ASPRV1: variants seen among roughly 807,000 people sequenced by gnomAD.
ASPRV1 encodes retroviral-like aspartic protease 1.
Under a neutral mutation model 11.0 loss-of-function variants are expected in ASPRV1, and 7 were observed. The observed-to-expected ratio is 0.64, with a 90% CI of 0.36 to 1.20. The LOEUF is 1.20. Among genes scored for constraint, ASPRV1 ranks in the 50% most tolerant of loss-of-function variants. The probability of loss-of-function intolerance (pLI) is 0.02; values close to 1 mark genes in which losing one functional copy is unlikely to be tolerated. For synonymous variants in ASPRV1, 136 were observed against 138.4 expected (o/e 0.98, Z 0.12); for missense variants, 299 against 320.0 (o/e 0.93, Z 0.50).
In ASPRV1 at chr2:69,960,863, T is replaced by C. The variant is rs762432577; in HGVS notation, c.574A>G (p.Asn192Asp). 1.9e-5 allele frequency: 30 copies of C among 1,614,030 alleles called. No individual in the cohort carries two copies. In the East Asian group the frequency reaches 6.7e-4, roughly 36 times the overall value. The change falls in exon 1 of 1, where the codon AAT (asparagine) becomes GAT (aspartate). Residue 192 changes from asparagine to aspartate, a missense_variant. Asn to Asp is a conservative substitution (Grantham distance 23). Transcript: ENST00000320256. ...LKLKAQFLVA[N>D]ASAEEAIIGT... ...ATGATGGCTTCCTCGGCACTCGCAT[T>C]GGCCACTAGGAACTGTGCCTTCAGC... is the stretch of plus-strand genomic sequence containing the variant.
chr2:70,039,279 CTG>C, the ASPRV1 span, among the ~76,000 whole-genome samples: 2 of 152,122 alleles, frequency 1.3e-5, no homozygotes, highest in Admixed American at 1.3e-4. Flanking sequence ...AAGGCTTTAG[CTG>C]GGAGTTCTAC....
At chr2:70,055,290 A>T in the ASPRV1 span, among the ~76,000 whole-genome samples, 1 of 152,202 alleles carries the variant, frequency 6.6e-6, no homozygotes, top group South Asian at 2.1e-4. Context: ...ACTGGGCGAC[A>T]GAGCAAGACT....
chr2:69,963,261 G>A (rs1388554182), upstream of ASPRV1: 5 of 456,226 alleles, frequency 1.1e-5, no homozygotes, highest in Admixed American at 7.1e-5. Flanking sequence ...CCCAGAGGAG[G>A]GGAAATGGAG....
chr2:70,080,452 C>T, the ASPRV1 span, among the ~76,000 whole-genome samples: 3 of 152,200 alleles, frequency 2.0e-5, no homozygotes, highest in Admixed American at 6.5e-5. Context: ...GTCTCGAACT[C>T]CTGACCTCAG....
the ASPRV1 span, chr2:70,017,956 A>G: frequency 6.6e-6 from 1 of 152,050 alleles, no homozygotes; most frequent in Non-Finnish European, 1.5e-5. Flanking sequence ...ACTGGGCAAC[A>G]TGGTGAAACC....
chr2:70,030,468 A>G, the ASPRV1 span: 2 of 152,186 alleles, frequency 1.3e-5, no homozygotes, highest in African/African-American at 4.8e-5. Flanking sequence ...AGCCTCCAAC[A>G]TATTCCTGTA....
the ASPRV1 span, chr2:69,941,329 G>T: frequency 6.6e-6 from 1 of 152,166 alleles, no homozygotes; most frequent in East Asian, 1.9e-4. Flanking sequence ...GAGCACCCAG[G>T]TCGTCTGTAT....
chr2:69,946,015 C>T, the ASPRV1 span, among the ~76,000 whole-genome samples: 136 of 152,278 alleles, frequency 8.9e-4, no homozygotes, highest in Admixed American at 1.8e-3. Flanking sequence ...GAGAAAGGCA[C>T]TGGCCAACCA....
At chr2:70,062,249 G>A in the ASPRV1 span, among the ~76,000 whole-genome samples, 1 of 151,818 alleles carries the variant, frequency 6.6e-6, no homozygotes, top group African/African-American at 2.4e-5. Context: ...AGATTGCAGT[G>A]AGCCAAGATC....
the ASPRV1 span, among the ~76,000 whole-genome samples, chr2:70,020,393 G>A: frequency 6.6e-6 from 1 of 152,162 alleles, no homozygotes; most frequent in Non-Finnish European, 1.5e-5. Flanking sequence ...TACATACAAT[G>A]AAATGTTGTT....
chr2:70,035,210 GCCT>G, the ASPRV1 span, among the ~76,000 whole-genome samples: 3 of 152,148 alleles, frequency 2.0e-5, no homozygotes, highest in African/African-American at 7.2e-5. Context: ...ACCTCCATGA[GCCT>G]CCTCAATTGT....
the ASPRV1 span, among the ~76,000 whole-genome samples, chr2:70,072,304 G>T: frequency 6.6e-6 from 1 of 152,096 alleles, no homozygotes; most frequent in Non-Finnish European, 1.5e-5. Flanking sequence ...AGTAGTCCCA[G>T]CTACTCAGAA....
the ASPRV1 span, chr2:69,938,132 C>G: frequency 5.0e-6 from 8 of 1,614,144 alleles, 1 homozygote; most frequent in Admixed American, 6.7e-5. Flanking sequence ...CACGGACTAT[C>G]TCACAGGTGA....
chr2:70,021,642 G>A, the ASPRV1 span, among the ~76,000 whole-genome samples: 1 of 150,622 alleles, frequency 6.6e-6, no homozygotes, highest in Admixed American at 6.6e-5. Flanking sequence ...CTAGATATCT[G>A]CTGTCCAATA....
the ASPRV1 span, chr2:70,034,842 TG>T: frequency 4.6e-5 from 7 of 152,214 alleles, no homozygotes; most frequent in African/African-American, 1.7e-4. Context: ...GTCAGAATTA[TG>T]GGCTTTGAGT....
chr2:70,013,409 T>C, the ASPRV1 span, among the ~76,000 whole-genome samples: 1 of 152,218 alleles, frequency 6.6e-6, no homozygotes, highest in Non-Finnish European at 1.5e-5. Context: ...TCCAAATCTG[T>C]ATGTAGCTGG....
At chr2:70,051,521 A>T in the ASPRV1 span, among the ~76,000 whole-genome samples, 1 of 152,238 alleles carries the variant, frequency 6.6e-6, no homozygotes, top group African/African-American at 2.4e-5. Context: ...TGTATATATC[A>T]AGTGTTTATC....
chr2:70,050,362 T>A, the ASPRV1 span: 2 of 151,940 alleles, frequency 1.3e-5, no homozygotes, highest in Non-Finnish European at 2.9e-5. Context: ...ACCAGATGGA[T>A]CAAAGATTTA....
chr2:70,017,595 T>G, the ASPRV1 span, among the ~76,000 whole-genome samples: 1 of 152,202 alleles, frequency 6.6e-6, no homozygotes, highest in African/African-American at 2.4e-5. Context: ...AAAAGTTAAA[T>G]TGTCTGTCTG....
Sources: allele counts gnomAD v4.1 joint callset (sites outside exome capture counted in the v4.1 genomes callset), GRCh38; gene constraint gnomAD v4.1.1; transcripts MANE v1.5; gene names NCBI Gene and HGNC (gene_info 2026-07-23, HGNC 2026-07-21).